WDR27: variants seen among roughly 807,000 people sequenced by gnomAD.
The protein encoded by WDR27 is WD repeat domain 27, also known as WD repeat-containing protein 27.
A neutral mutation model predicts 114.4 loss-of-function variants in WDR27; 100 were observed. That is an observed-to-expected ratio of 0.87 (90% CI 0.74 to 1.03). WDR27 has a LOEUF of 1.03. Among genes scored for constraint, WDR27 ranks in the 50% least tolerant of loss-of-function variants. The probability of loss-of-function intolerance (pLI) is 0.00; values close to 1 mark genes in which losing one functional copy is unlikely to be tolerated. For synonymous variants in WDR27, 449 were observed against 423.1 expected (o/e 1.06, Z -0.75); for missense variants, 1,129 against 1,092.9 (o/e 1.03, Z -0.47).
At position 169,652,001 on chromosome 6, in the gene WDR27, C is replaced by A. The variant is rs1462538579; in HGVS notation, c.1410G>T (p.Arg470=). The A allele has an allele frequency of 3.1e-6, 5 of 1,613,734 alleles. No homozygotes were observed. Among genetic ancestry groups the A allele is most frequent in the Admixed American group, 1.7e-5 (1 of 59,984 alleles). ...KAASEQRRAA[R]NVMKDQRLVF... is the part of the protein sequence containing the mutation. ...CCAGGCGTTGGTCCTTCATGACGTT[C>A]CGTGCAGCTGTGGAAAGGCAATTTT... is the stretch of plus-strand genomic sequence containing the variant. Residue 470 remains arginine (R), a synonymous_variant, in exon 14 of 26, where the codon CGG becomes CGT. Transcript: ENST00000448612.
intron 21 of WDR27, among the ~76,000 whole-genome samples, chr6:169,624,992 C>G (rs1248527012): frequency 6.6e-6 from 1 of 152,208 alleles, no homozygotes; most frequent in African/African-American, 2.4e-5. Flanking sequence ...ACTGAGGGGA[C>G]CTGCAAGATG....
intron 2 of WDR27, among the ~76,000 whole-genome samples, chr6:169,677,572 G>C (rs1349166513): frequency 3.3e-5 from 5 of 152,238 alleles, no homozygotes; most frequent in Non-Finnish European, 1.5e-5. Context: ...TTTTTGGTGA[G>C]AGGAATTCAA....
At chr6:169,567,057 G>A (rs1054225495) in intron 25 of WDR27, among the ~76,000 whole-genome samples, 1 of 152,290 alleles carries the variant, frequency 6.6e-6, no homozygotes, top group Admixed American at 6.5e-5. Context: ...CGATGTCTGC[G>A]TGCCCCAGAG....
rs1055960986 is a variant in WDR27 at position 169,658,500 on chromosome 6, G to A, written c.1320-142C>T. The A allele has an allele frequency of 3.7e-5, 24 of 648,662 alleles. No individual in the cohort carries two copies. In the African/African-American group the frequency reaches 4.3e-4, roughly 12 times the overall value. The allele number at this position is 648,662 out of a possible 1,614,324, so 40.2% of individuals were successfully genotyped here. A position where few individuals can be genotyped will look rare whatever the true frequency, so the allele number is the denominator to read the frequency against. On this transcript the variant is annotated intron_variant, in intron 12 of 25. Coordinates refer to ENST00000448612, the MANE Select transcript of WDR27 (RefSeq NM_182552.5). Reference sequence around the variant, plus strand: ...ATAACAGTATCTGAAAATGAAAACTGTCAAGTGTATTCTTATCCTTGTAGG... The same window carrying A: ...ATAACAGTATCTGAAAATGAAAACTATCAAGTGTATTCTTATCCTTGTAGG...
chr6:169,625,741 G>A (rs953909028), intron 21 of WDR27, among the ~76,000 whole-genome samples: 1 of 152,178 alleles, frequency 6.6e-6, no homozygotes, highest in Admixed American at 6.5e-5. Flanking sequence ...CAGATCTCAC[G>A]CCGGCACCCC....
intron 25 of WDR27, among the ~76,000 whole-genome samples, chr6:169,495,428 G>A (rs1790275028): frequency 6.6e-6 from 1 of 151,316 alleles, no homozygotes; most frequent in Non-Finnish European, 1.5e-5. Flanking sequence ...GGCTAGCAGA[G>A]GAATGAAATA....
intron 17 of WDR27, among the ~76,000 whole-genome samples, chr6:169,642,827 G>C (rs1819576952): frequency 6.6e-6 from 1 of 152,208 alleles, no homozygotes; most frequent in Admixed American, 6.5e-5. Flanking sequence ...GTTTCCTAAT[G>C]ACTGCCCTTG....
chr6:169,478,562 GA>G (rs145057081), intron 25 of WDR27, among the ~76,000 whole-genome samples: 2,283 of 145,692 alleles, frequency 0.016, 50 homozygotes, highest in African/African-American at 0.053. Context: ...AATGCCCAAA[GA>G]AAAAAAAAAG....
intron 25 of WDR27, among the ~76,000 whole-genome samples, chr6:169,567,689 A>C (rs1800720948): frequency 6.6e-6 from 1 of 152,102 alleles, no homozygotes; most frequent in Non-Finnish European, 1.5e-5. Context: ...GCCGGGAAGA[A>C]ATTTTGGAAG....
Position 169,659,042 on chromosome 6 carries a change from A to G in WDR27, c.1319+44T>C, listed in dbSNP as rs1413676453. Reference sequence around the variant, plus strand: ...GAACATAGAAATCCAGATGGCACTTATTGGTGAACACACACACACACTCCA... The same window carrying G: ...GAACATAGAAATCCAGATGGCACTTGTTGGTGAACACACACACACACTCCA... On this transcript the variant is annotated intron_variant, in intron 12 of 25. Transcript: ENST00000448612. The surrounding 1 kb of genome is among the most constrained non-coding windows in gnomAD (Gnocchi z 4.3). The G allele has an allele frequency of 1.3e-6, 2 of 1,487,862 alleles. No individual in the cohort carries two copies. The highest frequency in any genetic ancestry group is 4.8e-5 in the East Asian group (2 of 41,646). The allele number at this position is 1,487,862 out of a possible 1,614,324, so 92.2% of individuals were successfully genotyped here. A position where few individuals can be genotyped will look rare whatever the true frequency, so the allele number is the denominator to read the frequency against.
At position 169,664,173 on chromosome 6, in the gene WDR27, G is replaced by C. The variant is rs1827127537; in HGVS notation, c.897C>G (p.Ser299Arg). The C allele has an allele frequency of 6.3e-7, 1 of 1,591,268 alleles. No homozygotes were observed. The highest frequency in any genetic ancestry group is 1.3e-5 in the African/African-American group (1 of 74,324). Residue 299 changes from serine (S) to arginine (R), a missense_variant, in exon 8 of 26, where the codon AGC (serine) becomes AGG (arginine). Ser to Arg is a moderately radical substitution (Grantham distance 110, BLOSUM62 -1). Transcript: ENST00000448612. Reference protein sequence around the residue: ...STRRVKSGLCSQPEESQLPST... With the variant: ...STRRVKSGLCRQPEESQLPST... ...AGGGTCTGAGCAACCCACCTGGCTG[G>C]CTGCACAGCCCAGACTTAACCCTTC...
intron 17 of WDR27, 108 bp downstream of exon 17, chr6:169,643,589 T>C (rs899719102): frequency 9.5e-6 from 8 of 845,554 alleles, no homozygotes; most frequent in Non-Finnish European, 1.8e-6. Context: ...TGGCTTTGGT[T>C]TGCTGATGTC....
At chr6:169,615,132 A>C (rs537875570) in intron 21 of WDR27, among the ~76,000 whole-genome samples, 1 of 152,244 alleles carries the variant, frequency 6.6e-6, no homozygotes, top group Non-Finnish European at 1.5e-5. Flanking sequence ...AATGATATCA[A>C]ATATATGAAT....
chr6:169,431,236 C>A, the WDR27 span, among the ~76,000 whole-genome samples: 1 of 152,202 alleles, frequency 6.6e-6, no homozygotes, highest in Non-Finnish European at 1.5e-5. Flanking sequence ...ATATCAAAGA[C>A]TGCCCCAGTC....
At chr6:169,432,336 G>A in the WDR27 span, among the ~76,000 whole-genome samples, 15 of 152,212 alleles carry the variant, frequency 9.9e-5, no homozygotes, top group Admixed American at 3.3e-4. Context: ...GTCCAATCCA[G>A]TATACTGGTA....
At chr6:169,665,393 A>G in intron 7 of WDR27, 93 bp downstream of exon 7, 2 of 1,498,754 alleles carry the variant, frequency 1.3e-6, no homozygotes, top group Non-Finnish European at 1.8e-6. Flanking sequence ...AATCGCAGGA[A>G]AATACAAAGT....
the WDR27 span, among the ~76,000 whole-genome samples, chr6:169,449,085 G>A: frequency 6.6e-6 from 1 of 152,154 alleles, no homozygotes; most frequent in Non-Finnish European, 1.5e-5. Context: ...TGTTTCAAAG[G>A]CTGACAGTTT....
chr6:169,641,489 G>C (rs1433197148), intron 17 of WDR27, among the ~76,000 whole-genome samples: 1 of 152,154 alleles, frequency 6.6e-6, no homozygotes, highest in Non-Finnish European at 1.5e-5. Flanking sequence ...CAGAAACAGA[G>C]TGAAAAGGAT....
chr6:169,463,245 G>T (rs919770848), intron 25 of WDR27, among the ~76,000 whole-genome samples: 1 of 152,164 alleles, frequency 6.6e-6, no homozygotes, highest in Non-Finnish European at 1.5e-5. Flanking sequence ...GGCAGAGGGG[G>T]GTGTCAAACT....
Sources: gnomAD v4.1 joint callset for allele counts (sites outside exome capture counted in the v4.1 genomes callset) on GRCh38, gnomAD v4.1.1 for gene constraint, Gnocchi (gnomAD v3.1) non-coding constraint, MANE v1.5 for transcripts, NCBI Gene and HGNC (gene_info 2026-07-23, HGNC 2026-07-21) for gene names.